SLC35A3: variants seen among roughly 807,000 people sequenced by gnomAD.
SLC35A3 encodes the protein solute carrier family 35 member A3, also known as UDP-N-acetylglucosamine transporter.
In SLC35A3, 26 loss-of-function variants were observed where a neutral mutation model predicts 39.0. That is an observed-to-expected ratio of 0.67 (90% CI 0.49 to 0.92). The LOEUF (loss-of-function observed/expected upper bound fraction) is 0.92, where lower values mean the gene tolerates loss of function less well. SLC35A3 is among the 40% of genes least tolerant of loss of function. The probability of loss-of-function intolerance (pLI) is 0.00; values close to 1 mark genes in which losing one functional copy is unlikely to be tolerated. For synonymous variants in SLC35A3, 135 were observed against 133.1 expected (o/e 1.01, Z -0.10); for missense variants, 299 against 371.6 (o/e 0.80, Z 1.61).
chr1:100,003,275 G>A (rs1178258089), intron 3 of SLC35A3, among the ~76,000 whole-genome samples: 4 of 151,978 alleles, frequency 2.6e-5, no homozygotes, highest in African/African-American at 9.7e-5. Context: ...AATTGGCCAA[G>A]CATGGTGGCG....
At chr1:100,018,271 C>T (rs1660296616) in intron 7 of SLC35A3, among the ~76,000 whole-genome samples, 1 of 152,160 alleles carries the variant, frequency 6.6e-6, no homozygotes, top group East Asian at 1.9e-4. Flanking sequence ...GGAAGAAGAC[C>T]CAGGACTCTG....
intron 1 of SLC35A3, among the ~76,000 whole-genome samples, chr1:99,990,986 T>A (rs1658048431): frequency 2.0e-5 from 3 of 152,198 alleles, no homozygotes; most frequent in African/African-American, 7.2e-5. Context: ...CATCTTGGAC[T>A]TCCAGCCTGC....
rs1047298445 is a variant in SLC35A3 at position 100,026,190 on chromosome 1, A to G, written c.*3714A>G. 6.6e-6 allele frequency: 1 copy of G among 152,184 alleles called. No individual in the cohort carries two copies. Among genetic ancestry groups the G allele is most frequent in the Non-Finnish European group, 1.5e-5 (1 of 68,000 alleles). 9.4% of individuals were successfully genotyped at this position (152,184 alleles called of 1,614,324 possible). ...CAAATTATTGAACTTTAAAAATTTC[A>G]TTGTATAGTCATTAAACTGAGTTGG... On this transcript the variant is annotated 3_prime_UTR_variant, in exon 8 of 8. Transcript: ENST00000533028.
In SLC35A3 at chr1:100,000,133, TAA is replaced by T. The variant is rs1658667344; in HGVS notation, c.342+719_342+720del. 3.3e-5 allele frequency among the ~76,000 whole-genome samples: 5 copies of T among 152,192 alleles called. No homozygotes were observed. In the South Asian group the frequency reaches 1.0e-3, roughly 31 times the overall value. On this transcript the variant is annotated intron_variant, in intron 3 of 7. Coordinates refer to ENST00000533028, the MANE Select transcript of SLC35A3 (RefSeq NM_012243.3). ...GCTGGATTGTCTGGTAGTTCTATTT[TAA>T]GTTTTTTGAGAATGCTTTGTACTGT...
intron 2 of SLC35A3, among the ~76,000 whole-genome samples, chr1:99,997,214 C>G (rs1481544330): frequency 6.6e-6 from 1 of 151,462 alleles, no homozygotes; most frequent in African/African-American, 2.4e-5. Flanking sequence ...AGTTATGCAA[C>G]ACAATTCTGT....
In SLC35A3 at chr1:100,017,716, A is replaced by T. The variant is rs757468494; in HGVS notation, c.788A>T (p.Lys263Met). The change falls in exon 7 of 8, where the codon AAG becomes ATG. Residue 263 changes from lysine to methionine, a missense_variant. By Grantham distance (95) the Lys-to-Met change is moderately conservative (BLOSUM62 -1). Coordinates refer to ENST00000533028, the MANE Select transcript of SLC35A3 (RefSeq NM_012243.3). Reference protein sequence around the residue: ...LGGLVIAAVIKYADNILKGFA... With the variant: ...LGGLVIAAVIMYADNILKGFA... ...GGCCTTGTAATAGCTGCTGTTATTA[A>T]GTATGCAGATAATATTTTAAAAGGA... The T allele has an allele frequency of 6.3e-7, 1 of 1,575,546 alleles. No individual in the cohort carries two copies. Among genetic ancestry groups the T allele is most frequent in the Non-Finnish European group, 8.6e-7 (1 of 1,161,750 alleles).
At chr1:99,997,964 G>C (rs1658520736) in intron 2 of SLC35A3, among the ~76,000 whole-genome samples, 1 of 151,972 alleles carries the variant, frequency 6.6e-6, no homozygotes, top group South Asian at 2.1e-4. Flanking sequence ...TCTGGCTCCA[G>C]CTTTCTCTTT....
At chr1:99,997,413 TATATATATATA>T (rs1658473576) in intron 2 of SLC35A3, among the ~76,000 whole-genome samples, 3 of 14,554 alleles carry the variant, frequency 2.1e-4, no homozygotes, top group East Asian at 3.0e-3. Context: ...TATAGTTTTA[TATATATATATA>T]TATATATATA....
rs1661440821 is a variant in SLC35A3 at position 100,035,331 on chromosome 1, C to G, written c.*12855C>G. On this transcript the variant is annotated 3_prime_UTR_variant, in exon 8 of 8. Transcript: ENST00000533028. ...GTTGAATCCACAGGATACTGAGGGC[C>G]AGCTGTATTCACAACCCAAATCACA... 1 of 152,106 alleles carries G rather than the reference C, an allele frequency of 6.6e-6. No individual in the cohort carries two copies. Among genetic ancestry groups the G allele is most frequent in the South Asian group, 2.1e-4 (1 of 4,834 alleles). 9.4% of individuals were successfully genotyped at this position (152,106 alleles called of 1,614,324 possible). A position where few individuals can be genotyped will look rare whatever the true frequency, so the allele number is the denominator to read the frequency against.
At position 100,004,922 on chromosome 1, in the gene SLC35A3, A is replaced by G. The variant is rs537809964; in HGVS notation, c.343-2112A>G. Among the ~76,000 whole-genome samples the G allele has an allele frequency of 2.0e-5, 3 of 151,752 alleles. No individual in the cohort carries two copies. In the East Asian group the frequency reaches 5.9e-4, roughly 30 times the overall value. On this transcript the variant is annotated intron_variant, in intron 3 of 7. Transcript: ENST00000533028. ...CCTGTGCACGCCACCATGCCCTGCT[A>G]ATTTTTGTATTTTTAGTAGAGACGG... is the stretch of plus-strand genomic sequence containing the variant.
intron 1 of SLC35A3, among the ~76,000 whole-genome samples, chr1:99,988,566 T>C (rs1482209546): frequency 1.3e-5 from 2 of 152,156 alleles, no homozygotes; most frequent in East Asian, 3.8e-4. Context: ...CTAGGTCATA[T>C]GAAAAGATTA....
intron 5 of SLC35A3, among the ~76,000 whole-genome samples, chr1:100,013,562 G>A (rs1659835459): frequency 6.6e-6 from 1 of 151,712 alleles, no homozygotes. Context: ...GCAGTGAGTT[G>A]TGATTGTGCC....
chr1:100,006,401 T>C (rs1345624981), intron 3 of SLC35A3, among the ~76,000 whole-genome samples: 1 of 152,070 alleles, frequency 6.6e-6, no homozygotes, highest in Admixed American at 6.5e-5. Context: ...ATGTGTGGCA[T>C]TGGCAGTAGC....
chr1:99,980,158 A>AT (rs944696598), intron 1 of SLC35A3, among the ~76,000 whole-genome samples: 178 of 148,518 alleles, frequency 1.2e-3, no homozygotes, highest in Non-Finnish European at 1.8e-3. Context: ...TGATAACTGT[A>AT]TTTTTTTTTT....
intron 3 of SLC35A3, among the ~76,000 whole-genome samples, chr1:100,002,004 C>T (rs1658852686): frequency 6.6e-6 from 1 of 152,054 alleles, no homozygotes; most frequent in African/African-American, 2.4e-5. Flanking sequence ...AATTGATTTG[C>T]AAGTATTAAT....
At position 100,028,995 on chromosome 1, in the gene SLC35A3, A is replaced by C. The variant is rs1032877247; in HGVS notation, c.*6519A>C. 3 of 152,248 alleles carry C rather than the reference A, an allele frequency of 2.0e-5. No homozygotes were observed. Among genetic ancestry groups the C allele is most frequent in the African/African-American group, 7.2e-5 (3 of 41,456 alleles). 9.4% of individuals were successfully genotyped at this position (152,248 alleles called of 1,614,324 possible). A position where few individuals can be genotyped will look rare whatever the true frequency, so the allele number is the denominator to read the frequency against. On this transcript the variant is annotated 3_prime_UTR_variant, in exon 8 of 8. Transcript: ENST00000533028. ...TTCTTGTAGCGTCATGGAAGGTGTTATCTACTCCTGACCACAATGTTTGAC... is the reference window on the plus strand; with the variant it reads ...TTCTTGTAGCGTCATGGAAGGTGTTCTCTACTCCTGACCACAATGTTTGAC...
rs1002658273 is a variant in SLC35A3 at position 99,970,500 on chromosome 1, C to T, written c.-19+338C>T. 1.1e-5 allele frequency: 17 copies of T among 1,481,670 alleles called. No homozygotes were observed. In the East Asian group the frequency reaches 2.0e-4, roughly 17 times the overall value. The allele number at this position is 1,481,670 out of a possible 1,614,324, so 91.8% of individuals were successfully genotyped here. On this transcript the variant is annotated intron_variant, in intron 1 of 7. Transcript: ENST00000533028. ...GCGTGCGGAGCTAGTGACGGGTGGG[C>T]CCGGCTGGGGCCCGTCATTCCTTCA...
At chr1:100,015,182 GTAATC>G (rs1660010066) in intron 5 of SLC35A3, 115 bp from the exon 6 acceptor site, 2 of 649,030 alleles carry the variant, frequency 3.1e-6, no homozygotes, top group Admixed American at 8.3e-5. Context: ...AAAAAAGAAA[GTAATC>G]TAATTTTATC....
chr1:99,980,135 CT>C (rs1206006907), intron 1 of SLC35A3, among the ~76,000 whole-genome samples: 1 of 151,972 alleles, frequency 6.6e-6, no homozygotes, highest in Non-Finnish European at 1.5e-5. Context: ...TGATTTCCAT[CT>C]GGAGAATTGT....
Sources: gnomAD v4.1 joint callset for allele counts (sites outside exome capture counted in the v4.1 genomes callset) on GRCh38, gnomAD v4.1.1 for gene constraint, MANE v1.5 for transcripts, NCBI Gene and HGNC (gene_info 2026-07-23, HGNC 2026-07-21) for gene names.